Variants in MAGI3 observed in about 807,000 individuals in gnomAD.
MAGI3 encodes the protein membrane-associated guanylate kinase, WW and PDZ domain-containing protein 3.
MAGI3 carries 43 observed loss-of-function variants against 121.8 expected under a neutral mutation model. That is an observed-to-expected ratio of 0.35 (90% confidence interval 0.28 to 0.46). The LOEUF (loss-of-function observed/expected upper bound fraction) is 0.46. Among genes scored for constraint, MAGI3 ranks in the 20% least tolerant of loss-of-function variants. The pLI is 1.00. For synonymous variants in MAGI3, 553 were observed against 639.3 expected, an observed-to-expected ratio of 0.86 and a Z score of 2.04; for missense variants, 1,547 against 1,797.3, an observed-to-expected ratio of 0.86 and a Z score of 2.52.
chr1:113,590,389 A>G (rs1025058791), intron 4 of MAGI3, 95 bp from the exon 5 acceptor site: 8 of 1,177,562 alleles, frequency 6.8e-6, no homozygotes, highest in East Asian at 2.4e-5. Context: ...TGCCATATTT[A>G]TGTATTTGGA....
At chr1:113,645,101 T>C (rs1299002043) in intron 11 of MAGI3, among the ~76,000 whole-genome samples, 2 of 147,862 alleles carry the variant, frequency 1.4e-5, no homozygotes, top group African/African-American at 5.0e-5. Context: ...TTTGGCTCAC[T>C]GCAGCCTCTG....
At chr1:113,630,942 G>A (rs527857949) in intron 9 of MAGI3, among the ~76,000 whole-genome samples, 63 of 152,182 alleles carry the variant, frequency 4.1e-4, no homozygotes, top group Middle Eastern at 3.4e-3. Flanking sequence ...CATTTCACTC[G>A]GGGCCCAGAG....
At chr1:113,565,092 C>T (rs1312758012) in intron 2 of MAGI3, among the ~76,000 whole-genome samples, 6 of 151,990 alleles carry the variant, frequency 3.9e-5, no homozygotes, top group Admixed American at 2.6e-4. Flanking sequence ...TCAGGTGATC[C>T]GCCCGCCTCA....
chr1:113,570,095 T>A (rs1274169676), intron 2 of MAGI3, among the ~76,000 whole-genome samples: 1 of 152,080 alleles, frequency 6.6e-6, no homozygotes, highest in African/African-American at 2.4e-5. Context: ...CCTGTGTCCA[T>A]GTGTTCTCAT....
intron 9 of MAGI3, among the ~76,000 whole-genome samples, chr1:113,637,155 C>T (rs1239967580): frequency 5.9e-5 from 9 of 152,128 alleles, no homozygotes; most frequent in Admixed American, 3.9e-4. Flanking sequence ...CTGAATACAG[C>T]ACACTGATGG....
At position 113,391,309 on chromosome 1, in the gene MAGI3, C is replaced by T; in HGVS notation, c.276C>T (p.Arg92=). 1 of 1,597,862 alleles carries T rather than the reference C, an allele frequency of 6.3e-7. No individual in the cohort carries two copies. Among genetic ancestry groups the T allele is most frequent in the Non-Finnish European group, 8.5e-7 (1 of 1,173,212 alleles). Residue 92 remains arginine, a synonymous_variant, in exon 1 of 21, where the codon CGC becomes CGT. Coordinates refer to ENST00000307546, the MANE Select transcript of MAGI3 (RefSeq NM_001142782.2). This position sits in a 1 kb window ranked among gnomAD's most constrained non-coding sequence, Gnocchi z 4.4. ...ACCGGGACACCCTGGCTGTCATCCG[C>T]CACTTCCGCGAGCCCATCCGTCTCA... ...LTNRDTLAVI[R]HFREPIRLKT...
chr1:113,490,070 T>C (rs1345167795), intron 1 of MAGI3, among the ~76,000 whole-genome samples: 1 of 151,862 alleles, frequency 6.6e-6, no homozygotes, highest in Non-Finnish European at 1.5e-5. Context: ...AAGAAGATCA[T>C]CCCCAAGATA....
chr1:113,562,289 G>A (rs1660272321), intron 2 of MAGI3, among the ~76,000 whole-genome samples: 1 of 152,216 alleles, frequency 6.6e-6, no homozygotes, highest in Admixed American at 6.5e-5. Flanking sequence ...AATAGTCCCA[G>A]CTACTGAGGA....
In MAGI3 at chr1:113,572,932, C is replaced by CT. The variant is rs1199366354; in HGVS notation, c.434-7599dup. On this transcript the variant is annotated intron_variant, in intron 2 of 20. Transcript: ENST00000307546. ...TTGGTTATTTCTTCTGTTCTGCTAG[C>CT]TTTTTTTTTTTGAGACAGAGTCTCA... 3.7e-3 allele frequency among the ~76,000 whole-genome samples: 538 copies of CT among 145,804 alleles called. 6 individuals are homozygous for CT. Among genetic ancestry groups the CT allele is most frequent in the African/African-American group, 0.011 (426 of 40,050 alleles).
chr1:113,516,050 T>A (rs1657883069), intron 1 of MAGI3, among the ~76,000 whole-genome samples: 1 of 152,006 alleles, frequency 6.6e-6, no homozygotes, highest in Non-Finnish European at 1.5e-5. Context: ...AATGAAAAAT[T>A]GTCACGACTT....
chr1:113,611,767 A>C (rs1463006192), intron 6 of MAGI3, among the ~76,000 whole-genome samples: 1 of 151,950 alleles, frequency 6.6e-6, no homozygotes, highest in Non-Finnish European at 1.5e-5. Flanking sequence ...TCAACACAGC[A>C]CTCTAAGAAT....
intron 1 of MAGI3, among the ~76,000 whole-genome samples, chr1:113,493,297 T>G (rs1656754053): frequency 6.6e-6 from 1 of 152,182 alleles, no homozygotes; most frequent in Admixed American, 6.5e-5. Context: ...GGGAAAAGAT[T>G]CCCTAGTTAA....
chr1:113,682,011 T>TACCCC (rs1200720768), intron 20 of MAGI3, among the ~76,000 whole-genome samples: 8 of 141,544 alleles, frequency 5.7e-5, no homozygotes, highest in African/African-American at 1.0e-4. Context: ...CCTCCTGCCC[T>TACCCC]ACCCCACCCC....
At chr1:113,624,168 G>C (rs1194559893) in intron 9 of MAGI3, among the ~76,000 whole-genome samples, 1 of 152,284 alleles carries the variant, frequency 6.6e-6, no homozygotes, top group Admixed American at 6.5e-5. Flanking sequence ...TAACAAACAT[G>C]GGAGTGCAGA....
At chr1:113,602,629 T>C (rs1649476118) in intron 6 of MAGI3, among the ~76,000 whole-genome samples, 1 of 151,926 alleles carries the variant, frequency 6.6e-6, no homozygotes, top group Admixed American at 6.6e-5. Context: ...TTAAATGAAA[T>C]TAAAACAAAC....
intron 6 of MAGI3, among the ~76,000 whole-genome samples, chr1:113,602,432 TAA>T (rs911839618): frequency 2.4e-4 from 37 of 152,224 alleles, no homozygotes; most frequent in African/African-American, 8.7e-4. Flanking sequence ...AATAGTGACA[TAA>T]GTTATCAAAA....
At chr1:113,627,798 T>C (rs1651334135) in intron 9 of MAGI3, among the ~76,000 whole-genome samples, 1 of 151,918 alleles carries the variant, frequency 6.6e-6, no homozygotes, top group Non-Finnish European at 1.5e-5. Flanking sequence ...CTTGCAGTTT[T>C]TGTCTTATAA....
intron 1 of MAGI3, chr1:113,450,492 G>A: frequency 1.9e-6 from 2 of 1,060,740 alleles, no homozygotes; most frequent in Non-Finnish European, 2.9e-6. Flanking sequence ...GGAAACCAAG[G>A]TGGTGGATAT....
chr1:113,608,601 A>G (rs1649935088), intron 6 of MAGI3, among the ~76,000 whole-genome samples: 1 of 152,218 alleles, frequency 6.6e-6, no homozygotes. Flanking sequence ...ACGCCTCTGC[A>G]GGCAGGCTGT....
Sources: allele counts gnomAD v4.1 joint callset (sites outside exome capture counted in the v4.1 genomes callset), GRCh38; gene constraint gnomAD v4.1.1; non-coding constraint Gnocchi (gnomAD v3.1); transcripts MANE v1.5; gene names NCBI Gene and HGNC (gene_info 2026-07-23, HGNC 2026-07-21).